The following RAB7A variants were observed in gnomAD, a reference collection of about 807,000 sequenced individuals.
RAB7A encodes ras-related protein Rab-7a.
In RAB7A, 2 loss-of-function variants were observed where a neutral mutation model predicts 24.5. That is an observed-to-expected ratio of 0.08 (90% CI 0.03 to 0.26). The LOEUF (loss-of-function observed/expected upper bound fraction) is 0.26, where lower values mean the gene tolerates loss of function less well. Ranked by LOEUF, RAB7A falls within the 10% of genes least tolerant of loss-of-function variation. RAB7A has a pLI of 1.00. For missense variants in RAB7A, 118 were observed against 255.7 expected, an observed-to-expected ratio of 0.46 and a Z score of 3.67; for synonymous variants, 100 against 95.9, an observed-to-expected ratio of 1.04 and a Z score of -0.25.
At chr3:128,776,306 G>A (rs1248692738) in intron 1 of RAB7A, among the ~76,000 whole-genome samples, 1 of 151,560 alleles carries the variant, frequency 6.6e-6, no homozygotes, top group Non-Finnish European at 1.5e-5. Flanking sequence ...GTCTCACTGT[G>A]TTGCCCAGGC....
intron 1 of RAB7A, among the ~76,000 whole-genome samples, chr3:128,734,206 G>A (rs935437249): frequency 1.3e-5 from 2 of 152,062 alleles, no homozygotes; most frequent in South Asian, 4.1e-4. Flanking sequence ...GAGGTGGGCG[G>A]ATCACTTGAG....
At chr3:128,810,223 G>A (rs1178696255) in intron 5 of RAB7A, among the ~76,000 whole-genome samples, 1 of 151,910 alleles carries the variant, frequency 6.6e-6, no homozygotes, top group African/African-American at 2.4e-5. Context: ...TGGGGTTACA[G>A]GCATGAGCCA....
intron 1 of RAB7A, chr3:128,749,365 G>C (rs2070653135): frequency 1.3e-5 from 2 of 152,248 alleles, no homozygotes; most frequent in Non-Finnish European, 2.9e-5. Context: ...TCTGGAGGCT[G>C]GAGGAGCTCT....
intron 1 of RAB7A, among the ~76,000 whole-genome samples, chr3:128,747,610 G>T (rs2070631194): frequency 6.6e-6 from 1 of 151,432 alleles, no homozygotes; most frequent in African/African-American, 2.4e-5. Flanking sequence ...ATGAAATAAA[G>T]AAATGAAATG....
chr3:128,773,786 A>G (rs538213369), intron 1 of RAB7A, among the ~76,000 whole-genome samples: 6 of 152,282 alleles, frequency 3.9e-5, no homozygotes, highest in East Asian at 3.9e-4. Context: ...CTTACCTCCA[A>G]CCATGTGCTC....
At chr3:128,754,879 T>G (rs1005366293) in intron 1 of RAB7A, among the ~76,000 whole-genome samples, 1 of 152,112 alleles carries the variant, frequency 6.6e-6, no homozygotes, top group Non-Finnish European at 1.5e-5. Flanking sequence ...CACTCAAATA[T>G]GTGAAACATG....
intron 3 of RAB7A, among the ~76,000 whole-genome samples, chr3:128,806,107 C>G (rs1388705600): frequency 1.3e-5 from 2 of 152,182 alleles, no homozygotes; most frequent in African/African-American, 4.8e-5. Flanking sequence ...GTGACCACTA[C>G]TTGGATCAAG....
intron 1 of RAB7A, among the ~76,000 whole-genome samples, chr3:128,736,490 G>A (rs1467056801): frequency 6.6e-6 from 1 of 152,116 alleles, no homozygotes; most frequent in East Asian, 1.9e-4. Flanking sequence ...GTCAAAAAGA[G>A]CATGGGTTTT....
intron 5 of RAB7A, among the ~76,000 whole-genome samples, chr3:128,811,473 AAGT>A (rs1195181935): frequency 1.3e-5 from 2 of 152,250 alleles, no homozygotes; most frequent in African/African-American, 4.8e-5. Flanking sequence ...AGAAGGAATG[AAGT>A]AGTGACACAT....
intron 1 of RAB7A, among the ~76,000 whole-genome samples, chr3:128,772,582 A>C (rs1050714983): frequency 1.3e-5 from 2 of 152,198 alleles, no homozygotes; most frequent in African/African-American, 4.8e-5. Flanking sequence ...ATGCACTTAG[A>C]AGCATGTTCT....
intron 1 of RAB7A, among the ~76,000 whole-genome samples, chr3:128,775,362 C>T (rs185432619): frequency 2.6e-4 from 39 of 152,312 alleles, no homozygotes; most frequent in Non-Finnish European, 3.2e-4. Context: ...CTCCACCCTT[C>T]CTCCACTAGC....
intron 1 of RAB7A, among the ~76,000 whole-genome samples, chr3:128,792,856 T>C (rs1290340375): frequency 3.4e-5 from 5 of 145,758 alleles, no homozygotes; most frequent in African/African-American, 5.2e-5. Context: ...TTTATTTATT[T>C]ATTTATTCAT....
At chr3:128,809,541 C>T (rs1933873829) in intron 5 of RAB7A, among the ~76,000 whole-genome samples, 1 of 152,232 alleles carries the variant, frequency 6.6e-6, no homozygotes, top group Non-Finnish European at 1.5e-5. Flanking sequence ...CTACTTGCAT[C>T]TTAAGTGACT....
At chr3:128,758,476 C>T (rs893901485) in intron 1 of RAB7A, among the ~76,000 whole-genome samples, 17 of 151,672 alleles carry the variant, frequency 1.1e-4, no homozygotes, top group African/African-American at 1.9e-4. Flanking sequence ...GGGGTTTCAT[C>T]GTGTTAGCCA....
intron 1 of RAB7A, among the ~76,000 whole-genome samples, chr3:128,737,182 C>T (rs981700382): frequency 6.6e-6 from 1 of 151,786 alleles, no homozygotes; most frequent in South Asian, 2.1e-4. Flanking sequence ...GGACTACAGG[C>T]GCCCGCCACC....
intron 1 of RAB7A, among the ~76,000 whole-genome samples, chr3:128,783,403 A>T (rs1472267131): frequency 2.0e-5 from 3 of 151,864 alleles, no homozygotes; most frequent in Admixed American, 2.0e-4. Context: ...CCTAGACCTC[A>T]CCTGCCCCCT....
At chr3:128,763,200 A>G (rs1414457050) in intron 1 of RAB7A, among the ~76,000 whole-genome samples, 1 of 105,344 alleles carries the variant, frequency 9.5e-6, no homozygotes, top group African/African-American at 4.8e-5. Flanking sequence ...ATATATATAT[A>G]TATATATATT....
intron 3 of RAB7A, chr3:128,799,034 C>T (rs150737576): frequency 6.1e-6 from 1 of 164,558 alleles, no homozygotes; most frequent in East Asian, 1.8e-4. Context: ...CAGTTTTAAC[C>T]TGCCTGTGAG....
intron 5 of RAB7A, among the ~76,000 whole-genome samples, chr3:128,809,744 T>A (rs1163220787): frequency 6.6e-6 from 1 of 151,992 alleles, no homozygotes. Context: ...AGCCAGTTGT[T>A]TGAAATCATT....
Sources: allele counts gnomAD v4.1 joint callset (sites outside exome capture counted in the v4.1 genomes callset), GRCh38; gene constraint gnomAD v4.1.1; transcripts MANE v1.5; gene names NCBI Gene and HGNC (gene_info 2026-07-23, HGNC 2026-07-21).